The following S100A8 variants were observed in gnomAD, a reference collection of about 807,000 sequenced individuals.
The protein encoded by S100A8 is S100 calcium binding protein A8.
Under a neutral mutation model 4.2 loss-of-function variants are expected in S100A8, and 1 was observed. That is an observed-to-expected ratio of 0.24 (90% CI 0.08 to 1.12). The LOEUF (loss-of-function observed/expected upper bound fraction) is 1.12, where lower values mean the gene tolerates loss of function less well. S100A8 is among the 50% of genes most tolerant of loss of function. The pLI is 0.53. For synonymous variants in S100A8, 41 were observed against 44.7 expected, an observed-to-expected ratio of 0.92 and a Z score of 0.33; for missense variants, 96 against 111.8, an observed-to-expected ratio of 0.86 and a Z score of 0.64.
chr1:153,418,935 G>A, the S100A8 span, among the ~76,000 whole-genome samples: 1 of 152,078 alleles, frequency 6.6e-6, no homozygotes, highest in Non-Finnish European at 1.5e-5. Flanking sequence ...CCATCCTGAG[G>A]TGTGAGACAA....
chr1:153,394,033 T>A (rs78755442), upstream of S100A8, among the ~76,000 whole-genome samples: 2,296 of 152,296 alleles, frequency 0.015, 23 homozygotes, highest in Non-Finnish European at 0.023. Context: ...CAGGCTGAAC[T>A]GACCTTGCAG....
At chr1:153,405,621 G>A in the S100A8 span, among the ~76,000 whole-genome samples, 26 of 152,286 alleles carry the variant, frequency 1.7e-4, no homozygotes, top group African/African-American at 5.1e-4. Flanking sequence ...ATATCCTCCC[G>A]GCGAGCTAGC....
At chr1:153,407,759 T>G in the S100A8 span, among the ~76,000 whole-genome samples, 1 of 152,188 alleles carries the variant, frequency 6.6e-6, no homozygotes. Flanking sequence ...GGTGCCCCTC[T>G]GAGACAAAGC....
chr1:153,415,403 C>T, the S100A8 span, among the ~76,000 whole-genome samples: 1 of 152,096 alleles, frequency 6.6e-6, no homozygotes, highest in Non-Finnish European at 1.5e-5. Flanking sequence ...CTAAATGAAC[C>T]AGGACCTCTT....
upstream of S100A8, among the ~76,000 whole-genome samples, chr1:153,395,832 A>T (rs1410603358): frequency 6.6e-6 from 1 of 152,152 alleles, no homozygotes; most frequent in Non-Finnish European, 1.5e-5. Flanking sequence ...ATACTTTATG[A>T]TTTTCTACTG....
chr1:153,407,163 G>A, the S100A8 span, among the ~76,000 whole-genome samples: 2 of 152,216 alleles, frequency 1.3e-5, no homozygotes, highest in African/African-American at 4.8e-5. Context: ...AGCTGAAGCA[G>A]GGTGAGCATC....
the S100A8 span, among the ~76,000 whole-genome samples, chr1:153,405,614 T>C: frequency 1.3e-5 from 2 of 152,018 alleles, no homozygotes; most frequent in Non-Finnish European, 2.9e-5. Context: ...CTTATCAATA[T>C]CCTCCCGGCG....
chr1:153,416,188 C>T, the S100A8 span, among the ~76,000 whole-genome samples: 1 of 152,160 alleles, frequency 6.6e-6, no homozygotes, highest in Admixed American at 6.5e-5. Context: ...GACCATGCTG[C>T]CTTTGGGAGT....
chr1:153,413,569 G>T, the S100A8 span, among the ~76,000 whole-genome samples: 1 of 152,146 alleles, frequency 6.6e-6, no homozygotes, highest in African/African-American at 2.4e-5. Flanking sequence ...TTCAATGTTT[G>T]CTTTGTATAA....
the S100A8 span, among the ~76,000 whole-genome samples, chr1:153,412,773 G>C: frequency 9.5e-4 from 145 of 152,232 alleles, no homozygotes; most frequent in African/African-American, 3.3e-3. Context: ...AGAAAATGTG[G>C]CACATATACA....
the S100A8 span, among the ~76,000 whole-genome samples, chr1:153,399,969 C>A: frequency 6.6e-6 from 1 of 152,052 alleles, no homozygotes; most frequent in Non-Finnish European, 1.5e-5. Context: ...AGGAGGGAGA[C>A]AAGACCGGAA....
chr1:153,412,353 C>T, the S100A8 span, among the ~76,000 whole-genome samples: 1 of 152,334 alleles, frequency 6.6e-6, no homozygotes, highest in East Asian at 1.9e-4. Context: ...CAAAAGATGA[C>T]ATTTATGCAG....
the S100A8 span, among the ~76,000 whole-genome samples, chr1:153,400,841 T>A: frequency 6.6e-6 from 1 of 152,188 alleles, no homozygotes; most frequent in African/African-American, 2.4e-5. Context: ...CATTGCAATA[T>A]CCATAACCAA....
chr1:153,422,583 A>T, the S100A8 span: 1 of 972,576 alleles, frequency 1.0e-6, no homozygotes, highest in Non-Finnish European at 1.2e-6. Flanking sequence ...ATATCAAAAC[A>T]TTCCAATAAC....
chr1:153,393,868 ACTTCAGGTC>A (rs560730960), upstream of S100A8, among the ~76,000 whole-genome samples: 58 of 152,316 alleles, frequency 3.8e-4, no homozygotes, highest in African/African-American at 1.4e-3. Flanking sequence ...ACAGGGCATT[ACTTCAGGTC>A]CTTCCCCTGG....
At chr1:153,397,253 G>A in the S100A8 span, among the ~76,000 whole-genome samples, 6 of 152,222 alleles carry the variant, frequency 3.9e-5, no homozygotes, top group African/African-American at 1.2e-4. Flanking sequence ...CATCCCCAGC[G>A]CTGCTGCAAG....
At chr1:153,403,644 T>C in the S100A8 span, among the ~76,000 whole-genome samples, 2 of 152,210 alleles carry the variant, frequency 1.3e-5, no homozygotes, top group South Asian at 4.1e-4. Flanking sequence ...ATCTGCTTTT[T>C]CAATTAGGAC....
chr1:153,420,937 C>T, the S100A8 span: 1 of 152,556 alleles, frequency 6.6e-6, no homozygotes, highest in Non-Finnish European at 1.5e-5. Flanking sequence ...CAGCCCAGAA[C>T]CATCTTCCCC....
At chr1:153,419,295 G>T in the S100A8 span, 1 of 1,614,034 alleles carries the variant, frequency 6.2e-7, no homozygotes, top group East Asian at 2.2e-5. Flanking sequence ...GCCCTGTTCT[G>T]GGGGAAGCCA....
Sources: allele counts gnomAD v4.1 joint callset (sites outside exome capture counted in the v4.1 genomes callset), GRCh38; gene constraint gnomAD v4.1.1; transcripts MANE v1.5; gene names NCBI Gene and HGNC (gene_info 2026-07-23, HGNC 2026-07-21).